The following FRMD5 variants were observed in gnomAD, a reference collection of about 807,000 sequenced individuals.
FRMD5 encodes the protein FERM domain containing 5.
In FRMD5, 20 loss-of-function variants were observed where a neutral mutation model predicts 69.0. The observed-to-expected ratio is 0.29, with a 90% confidence interval of 0.20 to 0.42. The LOEUF (loss-of-function observed/expected upper bound fraction) is 0.42. Among genes scored for constraint, FRMD5 ranks in the 10% least tolerant of loss-of-function variants. The pLI, the probability that FRMD5 is intolerant of heterozygous loss-of-function variation, is 1.00. For synonymous variants in FRMD5, 271 were observed against 260.1 expected (o/e 1.04, Z -0.40); for missense variants, 595 against 708.6 (o/e 0.84, Z 1.82).
intron 1 of FRMD5, among the ~76,000 whole-genome samples, chr15:44,101,160 C>A (rs2733222): frequency 0.77 from 99,596 of 129,614 alleles, 36,086 homozygotes; most frequent in East Asian, 0.88. Context: ...AAAAAAAAAA[C>A]AACAAACAAA....
intron 1 of FRMD5, among the ~76,000 whole-genome samples, chr15:44,023,895 CT>C (rs1021396524): frequency 1.7e-4 from 26 of 152,126 alleles, no homozygotes; most frequent in South Asian, 1.0e-3. Flanking sequence ...AGAAGATAAC[CT>C]TTCTTTACCT....
At chr15:43,995,680 G>C (rs1387976413) in intron 1 of FRMD5, among the ~76,000 whole-genome samples, 1 of 151,798 alleles carries the variant, frequency 6.6e-6, no homozygotes, top group African/African-American at 2.4e-5. Flanking sequence ...GATCTGTAGG[G>C]GCTGGTCTGG....
At chr15:43,930,735 C>A (rs1473721821) in intron 1 of FRMD5, among the ~76,000 whole-genome samples, 5 of 152,172 alleles carry the variant, frequency 3.3e-5, no homozygotes, top group African/African-American at 1.2e-4. Context: ...TGCAGGGAGC[C>A]CTGTTGGCAG....
In FRMD5 at chr15:44,188,684, G is replaced by A. The variant is rs1199599106; in HGVS notation, c.102+6269C>T. On this transcript the variant is annotated intron_variant, in intron 1 of 13. Coordinates refer to ENST00000417257, the MANE Select transcript of FRMD5 (RefSeq NM_032892.5). ...CCTTATTTCATTTTCCATGCTTTGA[G>A]AGGCCTCACAATTTCTACTGAAGGA... 2.0e-5 allele frequency among the ~76,000 whole-genome samples: 3 copies of A among 152,062 alleles called. No homozygotes were observed. In the East Asian group the frequency reaches 5.8e-4, roughly 29 times the overall value.
rs1255028975 is a variant in FRMD5 at position 43,919,155 on chromosome 15, G to A, written c.329+304C>T. The A allele has an allele frequency of 1.2e-5, 6 of 482,452 alleles. No homozygotes were observed. In the East Asian group the frequency reaches 2.6e-4, roughly 21 times the overall value. 29.9% of individuals were successfully genotyped at this position (482,452 alleles called of 1,614,324 possible). A position where few individuals can be genotyped will look rare whatever the true frequency, so the allele number is the denominator to read the frequency against. On this transcript the variant is annotated intron_variant, in intron 4 of 13. Coordinates refer to ENST00000417257, the MANE Select transcript of FRMD5 (RefSeq NM_032892.5). ...AGCTCTCTCCAAAAATGTCCACAGTGGCAACATCATAGGTAAAAGAAAAGA... is the reference window on the plus strand; with the variant it reads ...AGCTCTCTCCAAAAATGTCCACAGTAGCAACATCATAGGTAAAAGAAAAGA...
intron 1 of FRMD5, among the ~76,000 whole-genome samples, chr15:44,132,307 G>A (rs1315912646): frequency 3.3e-5 from 5 of 152,208 alleles, no homozygotes; most frequent in African/African-American, 1.2e-4. Context: ...CCATAGATCA[G>A]CACCAGTCCA....
chr15:43,944,352 A>C (rs1220648434), intron 1 of FRMD5, among the ~76,000 whole-genome samples: 6 of 152,206 alleles, frequency 3.9e-5, no homozygotes, highest in African/African-American at 1.4e-4. Context: ...TTAACCCTTT[A>C]ATCTATTAAC....
intron 1 of FRMD5, among the ~76,000 whole-genome samples, chr15:44,027,281 T>C (rs1315082166): frequency 6.6e-6 from 1 of 152,124 alleles, no homozygotes; most frequent in Admixed American, 6.6e-5. Flanking sequence ...ATAACGATGG[T>C]CACTTCTTTC....
At chr15:44,057,833 A>G (rs1032630221) in intron 1 of FRMD5, among the ~76,000 whole-genome samples, 22 of 152,210 alleles carry the variant, frequency 1.4e-4, no homozygotes, top group Admixed American at 6.5e-4. Context: ...ACTAAGCTTC[A>G]TGACTGCTGG....
intron 1 of FRMD5, among the ~76,000 whole-genome samples, chr15:44,160,551 T>C (rs1270496991): frequency 6.6e-6 from 1 of 152,240 alleles, no homozygotes; most frequent in African/African-American, 2.4e-5. Flanking sequence ...TCATACTGTT[T>C]GTATACTGCT....
At chr15:43,993,931 T>C (rs1282669017) in intron 1 of FRMD5, among the ~76,000 whole-genome samples, 1 of 152,254 alleles carries the variant, frequency 6.6e-6, no homozygotes. Flanking sequence ...GCATGGAATA[T>C]GTTTTGCCGT....
chr15:43,964,435 T>A (rs937619723), intron 1 of FRMD5, among the ~76,000 whole-genome samples: 4 of 151,534 alleles, frequency 2.6e-5, no homozygotes, highest in African/African-American at 9.7e-5. Context: ...GAGCCATGAT[T>A]GTGCCACTGC....
chr15:43,914,489 C>T (rs1034959064), intron 4 of FRMD5, among the ~76,000 whole-genome samples: 2 of 152,112 alleles, frequency 1.3e-5, no homozygotes, highest in African/African-American at 4.8e-5. Context: ...ATCCATCATC[C>T]ATCCATCATC....
At chr15:43,905,725 G>C in intron 6 of FRMD5, 103 bp downstream of exon 6, 1 of 1,426,448 alleles carries the variant, frequency 7.0e-7, no homozygotes, top group South Asian at 1.2e-5. Context: ...GCATCACTCT[G>C]TGTCAGTAAA....
chr15:43,978,150 C>T, intron 1 of FRMD5, among the ~76,000 whole-genome samples: 1 of 152,278 alleles, frequency 6.6e-6, no homozygotes, highest in South Asian at 2.1e-4. Context: ...GTTGAGTTGC[C>T]TTCTCTCTCA....
intron 1 of FRMD5, among the ~76,000 whole-genome samples, chr15:44,024,777 A>C (rs1188126880): frequency 2.0e-5 from 3 of 152,224 alleles, no homozygotes; most frequent in African/African-American, 7.2e-5. Context: ...GGGTTTTCTC[A>C]TCCATAAAAT....
intron 6 of FRMD5, 90 bp from the exon 7 acceptor site, chr15:43,902,352 A>C: frequency 3.8e-6 from 4 of 1,066,668 alleles, no homozygotes; most frequent in Non-Finnish European, 5.8e-6. Flanking sequence ...GCTTAGGATG[A>C]GCCACACATC....
At chr15:43,879,412 G>C (rs992186586) in intron 13 of FRMD5, 2 of 397,846 alleles carry the variant, frequency 5.0e-6, no homozygotes, top group Non-Finnish European at 8.9e-6. Context: ...CCATTTCATC[G>C]AACCTGTTAT....
At chr15:44,082,155 C>T (rs1330254871) in intron 1 of FRMD5, among the ~76,000 whole-genome samples, 1 of 151,904 alleles carries the variant, frequency 6.6e-6, no homozygotes, top group African/African-American at 2.4e-5. Flanking sequence ...CTCACATTAA[C>T]TCTACAAAAC....
Sources: gnomAD v4.1 joint callset for allele counts (sites outside exome capture counted in the v4.1 genomes callset) on GRCh38, gnomAD v4.1.1 for gene constraint, MANE v1.5 for transcripts, NCBI Gene and HGNC (gene_info 2026-07-23, HGNC 2026-07-21) for gene names.